Variants in EPHA2 observed in about 807,000 individuals in gnomAD.
EPHA2 encodes ephrin type-A receptor 2.
In EPHA2, 54 loss-of-function variants were observed where a neutral mutation model predicts 104.9. The observed-to-expected ratio is 0.51, with a 90% CI of 0.41 to 0.65. The LOEUF (loss-of-function observed/expected upper bound fraction) is 0.65, where lower values mean the gene tolerates loss of function less well. EPHA2 is among the 30% of genes least tolerant of loss of function. EPHA2 has a pLI of 0.00. For synonymous variants in EPHA2, 560 were observed against 559.1 expected (o/e 1.00, Z -0.02); for missense variants, 1,117 against 1,369.5 (o/e 0.82, Z 2.91).
At position 16,125,384 on chromosome 1, in the gene EPHA2, TG is replaced by T; in HGVS notation, c.2826-65del. 1.3e-5 allele frequency: 1 copy of T among 78,542 alleles called. No homozygotes were observed. 4.9% of individuals were successfully genotyped at this position (78,542 alleles called of 1,614,324 possible). A position where few individuals can be genotyped will look rare whatever the true frequency, so the allele number is the denominator to read the frequency against. On this transcript the variant is annotated intron_variant, in intron 16 of 16. Coordinates refer to ENST00000358432, the MANE Select transcript of EPHA2 (RefSeq NM_004431.5). This position sits in a 1 kb window ranked among gnomAD's most constrained non-coding sequence, Gnocchi z 4.9. ...GAGCAGGGGAGGGGGCCGGGCTGGG[TG>T]GGGACAGGACTCGGTGGGCGGCTGG...
In EPHA2 at chr1:16,135,913, C is replaced by T; in HGVS notation, c.1313-143G>A. 1 of 611,164 alleles carries T rather than the reference C, an allele frequency of 1.6e-6. No individual in the cohort carries two copies. Among genetic ancestry groups the T allele is most frequent in the Non-Finnish European group, 3.0e-6 (1 of 335,860 alleles). The allele number at this position is 611,164 out of a possible 1,614,324, so 37.9% of individuals were successfully genotyped here. On this transcript the variant is annotated intron_variant, in intron 5 of 16. Transcript: ENST00000358432. This position sits in a 1 kb window ranked among gnomAD's most constrained non-coding sequence, Gnocchi z 4.3. The stretch of plus-strand genomic sequence containing the variant: ...TGAGACAGGATCTCGCTCTCTCACC[C>T]AGGCTCGAGTGCAGTGGCATGATCT...
chr1:16,148,300 A>T lies in EPHA2; in HGVS notation c.823+78T>A. 1 of 1,576,466 alleles carries T rather than the reference A, an allele frequency of 6.3e-7. No homozygotes were observed. Among genetic ancestry groups the T allele is most frequent in the Non-Finnish European group, 8.7e-7 (1 of 1,152,972 alleles). On this transcript the variant is annotated intron_variant, in intron 3 of 16. Transcript: ENST00000358432. The surrounding 1 kb of genome is among the most constrained non-coding windows in gnomAD (Gnocchi z 4.9). ...TCAAAGCAGGGATGAGCTTACCAAG[A>T]TTCCATGATTCCAAAGCTAAAGACC...
intron 1 of EPHA2, 36 bp downstream of exon 1, chr1:16,155,812 C>T: frequency 1.5e-6 from 2 of 1,370,408 alleles, no homozygotes; most frequent in Non-Finnish European, 1.9e-6. Context: ...GCACTGGGGC[C>T]CGGGGGCCAG....
chr1:16,153,442 G>T, intron 1 of EPHA2: 1 of 461,084 alleles, frequency 2.2e-6, no homozygotes. Context: ...GGACTTCCTG[G>T]CACTCTCCAG....
intron 1 of EPHA2, among the ~76,000 whole-genome samples, chr1:16,151,925 C>A (rs2025045724): frequency 6.6e-6 from 1 of 152,210 alleles, no homozygotes; most frequent in African/African-American, 2.4e-5. Context: ...GCACCTCCCA[C>A]TGATCCACCC....
In EPHA2 at chr1:16,149,051, T is replaced by TG. The variant is rs1210929029; in HGVS notation, c.154-5dup. 1.2e-6 allele frequency: 2 copies of TG among 1,612,032 alleles called. No homozygotes were observed. The highest frequency in any genetic ancestry group is 8.5e-7 in the Non-Finnish European group (1 of 1,180,002). ...TGATGTTCTGCATCAGGTCCCACTG[T>TG]GGGGGGAAGATACAGGTTAGTGTGG... is the stretch of plus-strand genomic sequence containing the variant. On this transcript the variant is annotated splice_polypyrimidine_tract_variant and splice_region_variant and intron_variant, in intron 2 of 16. Coordinates refer to ENST00000358432, the MANE Select transcript of EPHA2 (RefSeq NM_004431.5).
rs1032160732 is a variant in EPHA2 at position 16,133,889 on chromosome 1, G to A, written c.1709C>T (p.Ser570Phe). 1 of 1,550,622 alleles carries A rather than the reference G, an allele frequency of 6.4e-7. No individual in the cohort carries two copies. Among genetic ancestry groups the A allele is most frequent in the African/African-American group, 1.4e-5 (1 of 73,150 alleles). The change falls in exon 9 of 17, where the codon TCC becomes TTC. Residue 570 changes from serine to phenylalanine, a missense_variant. Physicochemically the swap from Ser to Phe is radical, Grantham distance 155. This residue lies in a region of EPHA2 where 113 missense variants were observed against 104.3 expected (regional missense o/e 1.08). Coordinates refer to ENST00000358432, the MANE Select transcript of EPHA2 (RefSeq NM_004431.5). The part of the protein sequence containing the change: ...RRRKNQRARQ[S>F]PEDVYFSKSE... ...CTTGGAGAAGTAAACGTCCTCCGGG[G>A]ACTGGCGGGCACGCTGGTTCTTCCT...
At chr1:16,149,850 G>C (rs1217770045) in intron 2 of EPHA2, among the ~76,000 whole-genome samples, 2 of 152,206 alleles carry the variant, frequency 1.3e-5, no homozygotes. Context: ...CCTGTGTCCC[G>C]AGAGCCGGCC....
At position 16,135,939 on chromosome 1, in the gene EPHA2, C is replaced by T. The variant is rs762903516; in HGVS notation, c.1313-169G>A. ...AGGCTCGAGTGCAGTGGCATGATCT[C>T]GGCCCACTACAGCTTTGAACTCCTG... On this transcript the variant is annotated intron_variant, in intron 5 of 16. Transcript: ENST00000358432. The surrounding 1 kb of genome is among the most constrained non-coding windows in gnomAD (Gnocchi z 4.3). 5.3e-5 allele frequency among the ~76,000 whole-genome samples: 8 copies of T among 152,246 alleles called. No individual in the cohort carries two copies. Among genetic ancestry groups the T allele is most frequent in the South Asian group, 2.1e-4 (1 of 4,826 alleles).
rs531928042 is a variant in EPHA2, at chr1:16,128,454, G to A, written c.2825+980C>T. On this transcript the variant is annotated intron_variant, in intron 16 of 16. Coordinates refer to ENST00000358432, the MANE Select transcript of EPHA2 (RefSeq NM_004431.5). This position sits in a 1 kb window ranked among gnomAD's most constrained non-coding sequence, Gnocchi z 4.7. ...TCCAAAGGCCCTAGAGAATGTTCAT[G>A]AACAGGCTCAAATCCCAGAACTTCT... Among the ~76,000 whole-genome samples the A allele has an allele frequency of 2.0e-5, 3 of 152,308 alleles. No homozygotes were observed. The East Asian group carries it at 5.8e-4, about 29-fold the overall frequency.
chr1:16,124,858 C>T lies in EPHA2; in HGVS notation c.*357G>A, dbSNP rs1262636597. On this transcript the variant is annotated 3_prime_UTR_variant, in exon 17 of 17. Coordinates refer to ENST00000358432, the MANE Select transcript of EPHA2 (RefSeq NM_004431.5). The stretch of plus-strand genomic sequence containing the variant: ...TTACTTGGCGCTGGGCCAAGCCCTC[C>T]ATCTCCTGAGATGGCCTCATGTGGG... 4 of 285,166 alleles carry T rather than the reference C, an allele frequency of 1.4e-5. No homozygotes were observed. In the East Asian group the frequency reaches 3.1e-4, roughly 22 times the overall value. The allele number at this position is 285,166 out of a possible 1,614,324, so 17.7% of individuals were successfully genotyped here. A position where few individuals can be genotyped will look rare whatever the true frequency, so the allele number is the denominator to read the frequency against.
chr1:16,148,117 C>A lies in EPHA2; in HGVS notation c.823+261G>T, dbSNP rs904220910. 6.6e-6 allele frequency among the ~76,000 whole-genome samples: 1 copy of A among 152,096 alleles called. No individual in the cohort carries two copies. Among genetic ancestry groups the A allele is most frequent in the Non-Finnish European group, 1.5e-5 (1 of 68,018 alleles). ...TCTCAAACTCCTGGGCTCAAGTGAT[C>A]CACCCACCTCAGCCTCCCAAAGTGC... is the stretch of plus-strand genomic sequence containing the variant. On this transcript the variant is annotated intron_variant, in intron 3 of 16. Transcript: ENST00000358432. The surrounding 1 kb of genome is among the most constrained non-coding windows in gnomAD (Gnocchi z 4.9).
chr1:16,149,659 G>A (rs1286686180), intron 2 of EPHA2, among the ~76,000 whole-genome samples: 2 of 152,168 alleles, frequency 1.3e-5, no homozygotes, highest in African/African-American at 4.8e-5. Flanking sequence ...CCCAGGTTAG[G>A]CTACAGTTGG....
At position 16,155,995 on chromosome 1, in the gene EPHA2, C is replaced by A. The variant is rs2025161377; in HGVS notation, c.-63G>T. The stretch of plus-strand genomic sequence containing the variant: ...CGGCTCCCGCACACCCGCACGCCTG[C>A]ACGCCGGCCTCGGTGTCCGCTCCCG... On this transcript the variant is annotated 5_prime_UTR_variant, in exon 1 of 17. Transcript: ENST00000358432. 7.3e-7 allele frequency: 1 copy of A among 1,364,418 alleles called. No individual in the cohort carries two copies. 84.5% of individuals were successfully genotyped at this position (1,364,418 alleles called of 1,614,324 possible).
chr1:16,152,769 G>T (rs1207814603), intron 1 of EPHA2, among the ~76,000 whole-genome samples: 1 of 152,174 alleles, frequency 6.6e-6, no homozygotes, highest in East Asian at 1.9e-4. Flanking sequence ...TGGCATGGAG[G>T]GCCCTCCCTT....
intron 3 of EPHA2, among the ~76,000 whole-genome samples, chr1:16,143,016 G>GAT (rs55743094): frequency 4.0e-5 from 6 of 148,200 alleles, no homozygotes; most frequent in East Asian, 4.1e-4. Context: ...TGGATGGATG[G>GAT]GTGGATAGGT....
At chr1:16,142,500 T>C (rs980231833) in intron 3 of EPHA2, among the ~76,000 whole-genome samples, 2 of 152,076 alleles carry the variant, frequency 1.3e-5, no homozygotes, top group Non-Finnish European at 2.9e-5. Flanking sequence ...GATGGATGGA[T>C]GGATAGATGG....
At position 16,131,198 on chromosome 1, in the gene EPHA2, G is replaced by GTAC. The variant is rs2024563582; in HGVS notation, c.2475+520_2475+522dup. On this transcript the variant is annotated intron_variant, in intron 14 of 16. Coordinates refer to ENST00000358432, the MANE Select transcript of EPHA2 (RefSeq NM_004431.5). This position sits in a 1 kb window ranked among gnomAD's most constrained non-coding sequence, Gnocchi z 5.2. ...CATGCATGGACACACGGATACACACGTACACCCCACTCCTTTTTTCATCTC... is the reference window on the plus strand; with the variant it reads ...CATGCATGGACACACGGATACACACGTACTACACCCCACTCCTTTTTTCATCTC... Among the ~76,000 whole-genome samples the GTAC allele has an allele frequency of 6.6e-6, 1 of 151,946 alleles. No individual in the cohort carries two copies. The highest frequency in any genetic ancestry group is 1.5e-5 in the Non-Finnish European group (1 of 68,020).
rs1438382263 is a variant in EPHA2 at position 16,132,428 on chromosome 1, T to C, written c.2065A>G (p.Met689Val). The change falls in exon 12 of 17, where the codon ATG (methionine) becomes GTG (valine). Residue 689 changes from methionine to valine, a missense_variant. Around this residue, in one of 3 missense-constraint regions of EPHA2, gnomAD observed 340 missense variants for 480.5 expected, o/e 0.71. Transcript: ENST00000358432. The part of the protein sequence containing the change: ...EGVISKYKPM[M>V]IITEYMENGA... The stretch of plus-strand genomic sequence containing the variant: ...TTCTCCATGTACTCAGTGATGATCA[T>C]CATGGGCTTGTCTGTAGGGGGGTGG... 6.2e-7 allele frequency: 1 copy of C among 1,613,958 alleles called. No homozygotes were observed. The highest frequency in any genetic ancestry group is 8.5e-7 in the Non-Finnish European group (1 of 1,179,998).
Sources: gnomAD v4.1 joint callset for allele counts (sites outside exome capture counted in the v4.1 genomes callset) on GRCh38, gnomAD v4.1.1 for gene constraint, gnomAD v4.1.1 regional missense constraint, Gnocchi (gnomAD v3.1) non-coding constraint, MANE v1.5 for transcripts, NCBI Gene and HGNC (gene_info 2026-07-23, HGNC 2026-07-21) for gene names.